Variants in SERPINE2 observed in about 807,000 individuals in gnomAD.
The protein encoded by SERPINE2 is serpin family E member 2.
SERPINE2 carries 14 observed loss-of-function variants against 36.3 expected under a neutral mutation model. The ratio of observed to expected loss-of-function variants is 0.39; its 90% confidence interval spans 0.25 to 0.60. The LOEUF is 0.60. SERPINE2 is among the 20% of genes least tolerant of loss of function. SERPINE2 has a pLI of 0.57. For missense variants in SERPINE2, 418 were observed against 499.6 expected (o/e 0.84, Z 1.56); for synonymous variants, 192 against 191.8 (o/e 1.00, Z -0.01).
chr2:224,020,895 C>A (rs1691976495), intron 1 of SERPINE2, among the ~76,000 whole-genome samples: 1 of 152,178 alleles, frequency 6.6e-6, no homozygotes, highest in African/African-American at 2.4e-5. Flanking sequence ...CCTGAAGCCC[C>A]ACTCCTAAAT....
intron 3 of SERPINE2, 141 bp from the exon 4 acceptor site, chr2:223,992,141 C>T (rs1221613072): frequency 4.4e-6 from 3 of 681,810 alleles, no homozygotes; most frequent in Admixed American, 2.8e-5. Flanking sequence ...TTAAACTACC[C>T]TTTTGTACTT....
intron 2 of SERPINE2, among the ~76,000 whole-genome samples, chr2:224,001,278 C>T (rs1235330857): frequency 1.3e-5 from 2 of 152,218 alleles, no homozygotes; most frequent in East Asian, 3.8e-4. Context: ...TTCCCAGCTC[C>T]TCTCACAGGC....
intron 1 of SERPINE2, among the ~76,000 whole-genome samples, chr2:224,035,110 A>G (rs1692490630): frequency 1.1e-5 from 1 of 90,368 alleles, no homozygotes; most frequent in Non-Finnish European, 2.6e-5. Flanking sequence ...CACACCAGCA[A>G]TAACATGGAA....
chr2:224,038,777 C>T, intron 1 of SERPINE2: 1 of 509,832 alleles, frequency 2.0e-6, no homozygotes. Flanking sequence ...CCACGCCGGC[C>T]CCGGTGCTCC....
At chr2:224,038,702 T>A (rs1692611163) in intron 1 of SERPINE2, 1 of 611,510 alleles carries the variant, frequency 1.6e-6, no homozygotes, top group Non-Finnish European at 2.9e-6. Flanking sequence ...GGGGTAGGGG[T>A]TGCCGGCGAG....
chr2:223,983,818 G>A (rs1690323201), intron 5 of SERPINE2, among the ~76,000 whole-genome samples: 2 of 151,374 alleles, frequency 1.3e-5, no homozygotes, highest in Admixed American at 6.6e-5. Flanking sequence ...ATCTCATCCT[G>A]TGGAAGAGCA....
Position 224,005,055 on chromosome 2 carries a change from TTTA to T in SERPINE2, c.-22-3136_-22-3134del, listed in dbSNP as rs1559209009. Among the ~76,000 whole-genome samples the T allele has an allele frequency of 1.6e-3, 154 of 95,372 alleles. 11 individuals carry two copies. Among genetic ancestry groups the T allele is most frequent in the Admixed American group, 0.014 (142 of 10,060 alleles). 62.6% of individuals were successfully genotyped at this position (95,372 alleles called of 152,430 possible). A position where few individuals can be genotyped will look rare whatever the true frequency, so the allele number is the denominator to read the frequency against. The stretch of plus-strand genomic sequence containing the variant: ...TAATATATAAATATATTTTATATAT[TTTA>T]TATATATTATATATATATATATATA... On this transcript the variant is annotated intron_variant, in intron 1 of 8. Coordinates refer to ENST00000409304, the MANE Select transcript of SERPINE2 (RefSeq NM_001136528.2).
chr2:223,982,715 A>G lies in SERPINE2; in HGVS notation c.951T>C (p.Phe317=), dbSNP rs762926554. The G allele has an allele frequency of 8.7e-6, 14 of 1,613,912 alleles. No homozygotes were observed. Among genetic ancestry groups the G allele is most frequent in the South Asian group, 4.4e-5 (4 of 91,018 alleles). The part of the protein sequence containing the change: ...PLKVLGITDM[F]DSSKANFAKI... ...TTGCAAAATTTGCCTTTGATGAATC[A>G]AACATGTCAGTAATGCCAAGAACTT... Residue 317 remains phenylalanine, a synonymous_variant, in exon 6 of 9, where the codon TTT becomes TTC. Coordinates refer to ENST00000409304, the MANE Select transcript of SERPINE2 (RefSeq NM_001136528.2).
chr2:224,004,014 A>C (rs2106168100), intron 1 of SERPINE2, among the ~76,000 whole-genome samples: 1 of 152,270 alleles, frequency 6.6e-6, no homozygotes. Flanking sequence ...CTTTCTACAC[A>C]CTTTCTGTGC....
intron 4 of SERPINE2, chr2:223,985,160 CCT>C: frequency 1.7e-6 from 1 of 571,798 alleles, no homozygotes; most frequent in South Asian, 2.2e-5. Flanking sequence ...AGACAGAATG[CCT>C]TTGGGAATCA....
intron 1 of SERPINE2, among the ~76,000 whole-genome samples, chr2:224,012,354 C>T (rs1209439607): frequency 6.6e-6 from 1 of 152,124 alleles, no homozygotes; most frequent in Non-Finnish European, 1.5e-5. Flanking sequence ...GAACCTATCT[C>T]TGAAGAAAAC....
intron 4 of SERPINE2, among the ~76,000 whole-genome samples, chr2:223,985,815 T>C (rs188620642): frequency 2.0e-5 from 3 of 152,344 alleles, no homozygotes; most frequent in African/African-American, 7.2e-5. Flanking sequence ...CCCATTCCAG[T>C]AATCACCACT....
chr2:224,006,940 C>T (rs969441296), intron 1 of SERPINE2, among the ~76,000 whole-genome samples: 2 of 152,212 alleles, frequency 1.3e-5, no homozygotes, highest in Admixed American at 1.3e-4. Flanking sequence ...GCCTCACACC[C>T]TGCCATGGCC....
intron 4 of SERPINE2, among the ~76,000 whole-genome samples, chr2:223,987,978 T>C (rs1054377056): frequency 6.6e-6 from 1 of 152,198 alleles, no homozygotes; most frequent in African/African-American, 2.4e-5. Context: ...TTAGTAGAAA[T>C]TGAAATGGAT....
intron 1 of SERPINE2, among the ~76,000 whole-genome samples, chr2:224,025,410 TTA>T (rs1692150029): frequency 6.6e-6 from 1 of 152,226 alleles, no homozygotes; most frequent in Non-Finnish European, 1.5e-5. Flanking sequence ...ATTTCTTTGA[TTA>T]ACTTCTAATT....
At position 223,975,618 on chromosome 2, in the gene SERPINE2, A is replaced by T. The variant is rs763214779; in HGVS notation, c.*249T>A. The T allele has an allele frequency of 4.3e-5, 16 of 370,122 alleles. No individual in the cohort carries two copies. The highest frequency in any genetic ancestry group is 6.2e-5 in the African/African-American group (3 of 48,326). The allele number at this position is 370,122 out of a possible 1,614,324, so 22.9% of individuals were successfully genotyped here. A position where few individuals can be genotyped will look rare whatever the true frequency, so the allele number is the denominator to read the frequency against. On this transcript the variant is annotated 3_prime_UTR_variant, in exon 9 of 9. Coordinates refer to ENST00000409304, the MANE Select transcript of SERPINE2 (RefSeq NM_001136528.2). ...AACCTAGGTAACAGTTCAGTAGTTTAAAGAATCTTTTAGACATCTGGAAGC... is the reference window on the plus strand; with the variant it reads ...AACCTAGGTAACAGTTCAGTAGTTTTAAGAATCTTTTAGACATCTGGAAGC...
chr2:223,984,142 A>G (rs1690336633), intron 5 of SERPINE2, among the ~76,000 whole-genome samples: 1 of 152,038 alleles, frequency 6.6e-6, no homozygotes, highest in South Asian at 2.1e-4. Context: ...GTTCATAGAA[A>G]GGGAACAACA....
intron 2 of SERPINE2, among the ~76,000 whole-genome samples, chr2:223,999,244 T>C (rs1046933436): frequency 6.6e-6 from 1 of 152,202 alleles, no homozygotes; most frequent in Admixed American, 6.5e-5. Context: ...TAAGCTTTAT[T>C]TTACATGAGC....
At chr2:223,980,069 G>C (rs1690164289) in intron 7 of SERPINE2, 1 of 398,286 alleles carries the variant, frequency 2.5e-6, no homozygotes, top group Non-Finnish European at 4.6e-6. Context: ...ATAGAAGTTT[G>C]CTGACTCCTG....
Sources: allele counts gnomAD v4.1 joint callset (sites outside exome capture counted in the v4.1 genomes callset), GRCh38; gene constraint gnomAD v4.1.1; transcripts MANE v1.5; gene names NCBI Gene and HGNC (gene_info 2026-07-23, HGNC 2026-07-21).